Variants in GRIP1 observed in about 807,000 individuals in gnomAD.
GRIP1 encodes the protein glutamate receptor-interacting protein 1.
GRIP1 carries 45 observed loss-of-function variants against 129.9 expected under a neutral mutation model. The ratio of observed to expected loss-of-function variants is 0.35; its 90% CI spans 0.27 to 0.44. The LOEUF (loss-of-function observed/expected upper bound fraction) is 0.44, where lower values mean the gene tolerates loss of function less well. Among genes scored for constraint, GRIP1 ranks in the 20% least tolerant of loss-of-function variants. GRIP1 has a pLI of 1.00. For synonymous variants in GRIP1, 530 were observed against 520.8 expected, an observed-to-expected ratio of 1.02 and a Z score of -0.24; for missense variants, 1,196 against 1,396.8, an observed-to-expected ratio of 0.86 and a Z score of 2.29.
intron 9 of GRIP1, among the ~76,000 whole-genome samples, chr12:66,460,490 C>T (rs1209539606): frequency 6.6e-6 from 1 of 152,200 alleles, no homozygotes; most frequent in Non-Finnish European, 1.5e-5. Context: ...TTTTCCTTTC[C>T]AAAACGTCAG....
chr12:66,728,647 G>A (rs12228293), intron 1 of GRIP1, among the ~76,000 whole-genome samples: 42,452 of 151,994 alleles, frequency 0.28, 6,184 homozygotes, highest in East Asian at 0.4. Flanking sequence ...ATCAAAGAAG[G>A]AATGAATGGA....
intron 1 of GRIP1, among the ~76,000 whole-genome samples, chr12:66,880,183 A>G (rs954984925): frequency 2.0e-5 from 3 of 151,834 alleles, no homozygotes; most frequent in Non-Finnish European, 4.4e-5. Flanking sequence ...GAAGGGAAGG[A>G]GCAAAGGACC....
intron 1 of GRIP1, among the ~76,000 whole-genome samples, chr12:66,706,991 GAAGA>G: frequency 1.3e-5 from 2 of 149,964 alleles, no homozygotes; most frequent in Admixed American, 1.3e-4. Flanking sequence ...TTTTTTTTAA[GAAGA>G]AATAAAGGAA....
At chr12:67,020,061 A>G (rs2042842974) in intron 1 of GRIP1, among the ~76,000 whole-genome samples, 1 of 152,182 alleles carries the variant, frequency 6.6e-6, no homozygotes, top group African/African-American at 2.4e-5. Flanking sequence ...TTGCTTTTTT[A>G]GTAACTTCTT....
chr12:66,891,026 C>T (rs1413982062), intron 1 of GRIP1, among the ~76,000 whole-genome samples: 1 of 152,156 alleles, frequency 6.6e-6, no homozygotes, highest in African/African-American at 2.4e-5. Flanking sequence ...TCTAAAATTA[C>T]ATAGTGCATT....
At chr12:66,811,489 A>T (rs967824469) in intron 1 of GRIP1, among the ~76,000 whole-genome samples, 15 of 148,614 alleles carry the variant, frequency 1.0e-4, no homozygotes, top group Non-Finnish European at 2.1e-4. Context: ...CTTTTAAGGT[A>T]ATTGTGAGAC....
intron 22 of GRIP1, among the ~76,000 whole-genome samples, chr12:66,376,749 C>T (rs1280688874): frequency 6.6e-6 from 1 of 152,182 alleles, no homozygotes; most frequent in East Asian, 1.9e-4. Context: ...CAAATGAAAA[C>T]ATGCCAAAGA....
intron 1 of GRIP1, among the ~76,000 whole-genome samples, chr12:67,066,888 T>TTTATATATATA (rs59891449): frequency 2.4e-5 from 3 of 125,662 alleles, no homozygotes; most frequent in African/African-American, 8.8e-5. Flanking sequence ...AAATATATAT[T>TTTATATATATA]TATATATATA....
At chr12:66,769,225 A>AT (rs112284216) in intron 1 of GRIP1, among the ~76,000 whole-genome samples, 63,984 of 144,800 alleles carry the variant, frequency 0.44, 14,039 homozygotes, top group Middle Eastern at 0.57. Context: ...CCAAATGGAA[A>AT]TTTTTTTTTT....
At chr12:66,519,174 G>C (rs1418539170) in intron 5 of GRIP1, among the ~76,000 whole-genome samples, 1 of 151,922 alleles carries the variant, frequency 6.6e-6, no homozygotes, top group Non-Finnish European at 1.5e-5. Context: ...AGTTCCTCAG[G>C]AAGGCAAATG....
At chr12:66,919,128 T>C (rs759843898) in intron 1 of GRIP1, among the ~76,000 whole-genome samples, 5 of 152,180 alleles carry the variant, frequency 3.3e-5, no homozygotes, top group Non-Finnish European at 5.9e-5. Context: ...TATGAAAGAA[T>C]GGATTTACCA....
intron 1 of GRIP1, among the ~76,000 whole-genome samples, chr12:67,048,056 T>C (rs1474695659): frequency 6.6e-6 from 1 of 152,154 alleles, no homozygotes; most frequent in African/African-American, 2.4e-5. Flanking sequence ...CCTGGCCATA[T>C]CATTTATCAA....
intron 1 of GRIP1, among the ~76,000 whole-genome samples, chr12:66,762,838 C>G (rs1044438824): frequency 2.0e-5 from 3 of 152,140 alleles, no homozygotes; most frequent in Admixed American, 6.6e-5. Flanking sequence ...TGATTCTGCC[C>G]TGGGGATTGG....
chr12:66,686,677 T>C (rs1470991923), intron 1 of GRIP1, among the ~76,000 whole-genome samples: 1 of 152,240 alleles, frequency 6.6e-6, no homozygotes, highest in Admixed American at 6.5e-5. Context: ...CAAGACCTTC[T>C]TGCTGTTCCA....
chr12:66,930,735 GTTA>G (rs1317626827), intron 1 of GRIP1, among the ~76,000 whole-genome samples: 4 of 152,092 alleles, frequency 2.6e-5, no homozygotes, highest in African/African-American at 7.2e-5. Flanking sequence ...AACCTGCCCT[GTTA>G]TTTTATGAGC....
chr12:66,478,257 G>T (rs1190122951), intron 7 of GRIP1, among the ~76,000 whole-genome samples: 3 of 152,168 alleles, frequency 2.0e-5, no homozygotes, highest in Non-Finnish European at 4.4e-5. Context: ...CATTTATGCA[G>T]CCAACAGACA....
chr12:66,522,729 C>T (rs1565823050), intron 5 of GRIP1, among the ~76,000 whole-genome samples: 1 of 152,124 alleles, frequency 6.6e-6, no homozygotes, highest in African/African-American at 2.4e-5. Flanking sequence ...TCAAACTACT[C>T]TGAACTACAG....
intron 15 of GRIP1, among the ~76,000 whole-genome samples, chr12:66,417,671 A>G (rs1038256967): frequency 6.6e-6 from 1 of 152,196 alleles, no homozygotes; most frequent in African/African-American, 2.4e-5. Context: ...AGAGAAATTA[A>G]AGAAGTAATC....
intron 1 of GRIP1, among the ~76,000 whole-genome samples, chr12:66,711,256 T>G (rs2035703892): frequency 6.6e-6 from 1 of 151,866 alleles, no homozygotes; most frequent in African/African-American, 2.4e-5. Flanking sequence ...CCTAAAAGCA[T>G]CCATTTAAAA....
Sources: gnomAD v4.1 joint callset for allele counts (sites outside exome capture counted in the v4.1 genomes callset) on GRCh38, gnomAD v4.1.1 for gene constraint, MANE v1.5 for transcripts, NCBI Gene and HGNC (gene_info 2026-07-23, HGNC 2026-07-21) for gene names.